The following SCAPER variants were observed in gnomAD, a reference collection of about 807,000 sequenced individuals.
The protein encoded by SCAPER is S-phase cyclin A associated protein in the ER, also known as S phase cyclin A-associated protein in the endoplasmic reticulum.
A neutral mutation model predicts 182.2 loss-of-function variants in SCAPER; 98 were observed. The ratio of observed to expected loss-of-function variants is 0.54; its 90% CI spans 0.46 to 0.64. The LOEUF is 0.64. Ranked by LOEUF, SCAPER falls within the 30% of genes least tolerant of loss-of-function variation. SCAPER has a pLI of 0.00. For missense variants in SCAPER, 1,432 were observed against 1,690.0 expected, an observed-to-expected ratio of 0.85 and a Z score of 2.68; for synonymous variants, 605 against 564.6, an observed-to-expected ratio of 1.07 and a Z score of -1.01.
At chr15:76,700,208 C>G (rs571796127) in intron 20 of SCAPER, among the ~76,000 whole-genome samples, 2 of 152,224 alleles carry the variant, frequency 1.3e-5, no homozygotes, top group South Asian at 4.1e-4. Flanking sequence ...GCAGGTCTGA[C>G]GGACAATAAT....
At chr15:76,440,898 C>A (rs1420449102) in intron 25 of SCAPER, among the ~76,000 whole-genome samples, 1 of 145,226 alleles carries the variant, frequency 6.9e-6, no homozygotes, top group African/African-American at 2.6e-5. Flanking sequence ...TAAAATTATT[C>A]CCCTTCTGGT....
At chr15:76,462,582 TTATC>T (rs1481758890) in intron 25 of SCAPER, among the ~76,000 whole-genome samples, 2 of 152,184 alleles carry the variant, frequency 1.3e-5, no homozygotes, top group African/African-American at 2.4e-5. Context: ...TTTGTTTGCT[TTATC>T]TATCAGTATT....
intron 15 of SCAPER, among the ~76,000 whole-genome samples, chr15:76,750,341 G>A (rs1032957517): frequency 4.6e-5 from 7 of 151,734 alleles, no homozygotes; most frequent in Admixed American, 2.0e-4. Context: ...TGGCTTTATG[G>A]GTGAATTCTA....
chr15:76,405,242 T>C (rs1178553419), intron 26 of SCAPER, among the ~76,000 whole-genome samples: 2 of 151,544 alleles, frequency 1.3e-5, no homozygotes, highest in Non-Finnish European at 2.9e-5. Flanking sequence ...GTCTCGCAAG[T>C]AGTTGGGACT....
intron 26 of SCAPER, among the ~76,000 whole-genome samples, chr15:76,421,861 C>T (rs1408541712): frequency 6.6e-6 from 1 of 152,140 alleles, no homozygotes; most frequent in East Asian, 1.9e-4. Flanking sequence ...TTTCCCAGCA[C>T]CATTTATTAA....
intron 23 of SCAPER, among the ~76,000 whole-genome samples, chr15:76,515,881 G>A (rs2042376457): frequency 6.6e-6 from 1 of 152,176 alleles, no homozygotes; most frequent in Non-Finnish European, 1.5e-5. Context: ...CCCTTAAGAG[G>A]AGAGACAGCC....
At chr15:76,440,897 TCCC>T (rs2047522036) in intron 25 of SCAPER, among the ~76,000 whole-genome samples, 1 of 148,736 alleles carries the variant, frequency 6.7e-6, no homozygotes, top group Non-Finnish European at 1.5e-5. Context: ...TTAAAATTAT[TCCC>T]CTTCTGGTTT....
chr15:76,604,616 C>T (rs1051379662), intron 22 of SCAPER, among the ~76,000 whole-genome samples: 1 of 150,296 alleles, frequency 6.7e-6, no homozygotes, highest in African/African-American at 2.4e-5. Flanking sequence ...TTACCTTGGG[C>T]AGTATGGCCA....
intron 29 of SCAPER, among the ~76,000 whole-genome samples, chr15:76,358,799 T>G (rs189149876): frequency 6.6e-6 from 1 of 152,364 alleles, no homozygotes; most frequent in South Asian, 2.1e-4. Flanking sequence ...GCCGGAATTA[T>G]GTTCCATTAG....
intron 5 of SCAPER, among the ~76,000 whole-genome samples, chr15:76,837,256 T>C: frequency 6.6e-6 from 1 of 152,156 alleles, no homozygotes; most frequent in Middle Eastern, 3.4e-3. Flanking sequence ...AACAAAGACA[T>C]AACACAGCCA....
intron 25 of SCAPER, among the ~76,000 whole-genome samples, chr15:76,438,552 G>GT (rs2047354188): frequency 6.6e-6 from 1 of 152,166 alleles, no homozygotes; most frequent in African/African-American, 2.4e-5. Flanking sequence ...ACACCATTTT[G>GT]TCAGTTGCTC....
At chr15:76,711,446 G>A (rs554356274) in intron 17 of SCAPER, among the ~76,000 whole-genome samples, 6 of 152,110 alleles carry the variant, frequency 3.9e-5, no homozygotes, top group Non-Finnish European at 8.8e-5. Context: ...CCAGTCATTA[G>A]AGAAATGAAA....
At chr15:76,527,947 G>T (rs1190717929) in intron 23 of SCAPER, among the ~76,000 whole-genome samples, 2 of 152,014 alleles carry the variant, frequency 1.3e-5, no homozygotes, top group Non-Finnish European at 2.9e-5. Context: ...TTTCCCATTG[G>T]CTTACATAAC....
intron 26 of SCAPER, among the ~76,000 whole-genome samples, chr15:76,431,421 G>T (rs2046848320): frequency 6.6e-6 from 1 of 151,930 alleles, no homozygotes. Context: ...AATAAATACT[G>T]TAATGATCTC....
intron 17 of SCAPER, 80 bp downstream of exon 17, chr15:76,728,515 C>T: frequency 1.3e-6 from 2 of 1,578,494 alleles, no homozygotes; most frequent in Non-Finnish European, 1.7e-6. Flanking sequence ...AAAAACTCTA[C>T]ATGACAGTAA....
At chr15:76,721,195 T>C (rs1243683706) in intron 17 of SCAPER, among the ~76,000 whole-genome samples, 7 of 152,232 alleles carry the variant, frequency 4.6e-5, no homozygotes, top group Admixed American at 3.3e-4. Context: ...CCTTTCCCCA[T>C]TGCTTCTTTT....
chr15:76,359,017 A>G lies in SCAPER; in HGVS notation c.3856-4877T>C, dbSNP rs533336861. On this transcript the variant is annotated intron_variant, in intron 29 of 31. Coordinates refer to ENST00000563290, the MANE Select transcript of SCAPER (RefSeq NM_020843.4). The stretch of plus-strand genomic sequence containing the variant: ...CTTAGAGTCTTTATAAAATGAGGGT[A>G]GATGGTAGCCTTCAGGATTTAGATG... Among the ~76,000 whole-genome samples the G allele has an allele frequency of 9.2e-5, 14 of 152,352 alleles. No homozygotes were observed. The South Asian group carries it at 1.9e-3, about 20-fold the overall frequency.
chr15:76,398,061 T>A (rs2044207060), intron 27 of SCAPER, among the ~76,000 whole-genome samples: 1 of 152,218 alleles, frequency 6.6e-6, no homozygotes, highest in Non-Finnish European at 1.5e-5. Flanking sequence ...AGGTACTCTA[T>A]TCTTTGTATT....
intron 4 of SCAPER, among the ~76,000 whole-genome samples, chr15:76,851,912 A>T (rs544449552): frequency 6.6e-6 from 1 of 152,298 alleles, no homozygotes; most frequent in South Asian, 2.1e-4. Context: ...AAAAAAAACA[A>T]GACCCAATGG....
Sources: allele counts gnomAD v4.1 joint callset (sites outside exome capture counted in the v4.1 genomes callset), GRCh38; gene constraint gnomAD v4.1.1; transcripts MANE v1.5; gene names NCBI Gene and HGNC (gene_info 2026-07-23, HGNC 2026-07-21).